Variants in DOCK9 observed in about 807,000 individuals in gnomAD.
The protein encoded by DOCK9 is dedicator of cytokinesis 9.
In DOCK9, 89 loss-of-function variants were observed where a neutral mutation model predicts 263.3. That is an observed-to-expected ratio of 0.34 (90% CI 0.28 to 0.40). The LOEUF is 0.40. Ranked by LOEUF, DOCK9 falls within the 10% of genes least tolerant of loss-of-function variation. DOCK9 has a pLI of 1.00. For synonymous variants in DOCK9, 976 were observed against 973.1 expected, an observed-to-expected ratio of 1.00 and a Z score of -0.06; for missense variants, 2,140 against 2,603.4, an observed-to-expected ratio of 0.82 and a Z score of 3.87.
At chr13:99,050,887 T>C (rs2040661610) in intron 1 of DOCK9, among the ~76,000 whole-genome samples, 1 of 152,148 alleles carries the variant, frequency 6.6e-6, no homozygotes. Context: ...GATCCAAAGA[T>C]GTCTGATTCT....
intron 1 of DOCK9, among the ~76,000 whole-genome samples, chr13:99,002,508 G>A (rs1882547420): frequency 6.6e-6 from 1 of 152,138 alleles, no homozygotes; most frequent in Admixed American, 6.5e-5. Context: ...ACCCAGCTCA[G>A]GTGTCACCTT....
At chr13:98,890,810 G>A (rs566292041) in intron 15 of DOCK9, among the ~76,000 whole-genome samples, 3 of 152,264 alleles carry the variant, frequency 2.0e-5, no homozygotes, top group East Asian at 3.9e-4. Context: ...GACTAGAGAC[G>A]ATGTTGAGAA....
intron 1 of DOCK9, among the ~76,000 whole-genome samples, chr13:99,010,488 C>T (rs1884285783): frequency 6.6e-6 from 1 of 152,218 alleles, no homozygotes; most frequent in Non-Finnish European, 1.5e-5. Flanking sequence ...GTGTCAGCGT[C>T]CCCATCATTT....
intron 1 of DOCK9, among the ~76,000 whole-genome samples, chr13:99,082,190 A>T (rs943816924): frequency 1.3e-5 from 2 of 152,152 alleles, no homozygotes; most frequent in African/African-American, 4.8e-5. Flanking sequence ...ACTACACTCC[A>T]GCCTGGGTGA....
intron 4 of DOCK9, among the ~76,000 whole-genome samples, chr13:98,925,071 G>C (rs1297862644): frequency 6.6e-6 from 1 of 152,114 alleles, no homozygotes; most frequent in Admixed American, 6.5e-5. Flanking sequence ...GGCTGAGGCG[G>C]GAGAGTTGCT....
chr13:99,059,323 C>T lies in DOCK9; in HGVS notation c.129+26900G>A, dbSNP rs138871865. Among the ~76,000 whole-genome samples the T allele has an allele frequency of 9.2e-5, 14 of 152,262 alleles. No homozygotes were observed. The East Asian group carries it at 2.3e-3, about 25-fold the overall frequency. On this transcript the variant is annotated intron_variant, in intron 1 of 32. Coordinates refer to the DOCK9 transcript ENST00000427887. ...CTCCACGGGTCCAGCTGTGGCATGC[C>T]GAGGTCATCTTTCTTCCCTCACCTG...
At chr13:98,868,053 C>T (rs1018729967) in intron 28 of DOCK9, 42 bp from the exon 29 acceptor site, 2 of 1,589,266 alleles carry the variant, frequency 1.3e-6, no homozygotes, top group African/African-American at 1.3e-5. Context: ...CAGGTCCAAA[C>T]ATTTCGGAAA....
chr13:98,884,005 A>C, intron 21 of DOCK9, 106 bp from the exon 22 acceptor site: 1 of 765,022 alleles, frequency 1.3e-6, no homozygotes, highest in Non-Finnish European at 2.1e-6. Flanking sequence ...GGCCCAGAGA[A>C]CTTTAGTGAC....
At chr13:98,974,995 G>A (rs573949686) in intron 1 of DOCK9, among the ~76,000 whole-genome samples, 2 of 152,260 alleles carry the variant, frequency 1.3e-5, no homozygotes, top group East Asian at 3.9e-4. Context: ...TACATTTATG[G>A]TAGCCTCATT....
At chr13:98,808,710 T>G (rs1223645582) in intron 47 of DOCK9, 1 of 1,421,348 alleles carries the variant, frequency 7.0e-7, no homozygotes, top group Non-Finnish European at 9.9e-7. Context: ...CAGAATAAAT[T>G]GAAGGTTATA....
chr13:99,050,442 C>G (rs977849241), intron 1 of DOCK9, among the ~76,000 whole-genome samples: 1 of 152,182 alleles, frequency 6.6e-6, no homozygotes, highest in Non-Finnish European at 1.5e-5. Flanking sequence ...TGCCTGTAAT[C>G]CCAGCACTTT....
In DOCK9 at chr13:98,863,438, G is replaced by C; in HGVS notation, c.3397C>G (p.Leu1133Val). ...TTCTTGAGCACACTGATGGCGATCA[G>C]ACGGACCTCCCGGAACTCCTGGAGG... ...TALQEFREVR[L>V]IAISVLKNLL... Residue 1133 changes from leucine (L) to valine (V), a missense_variant, in exon 31 of 53, where the codon CTG becomes GTG. Leu to Val is a conservative substitution (Grantham distance 32, BLOSUM62 1). This residue lies in a region of DOCK9 where 1,521 missense variants were observed against 1,741.7 expected (regional missense o/e 0.87). Transcript: ENST00000682017. The C allele has an allele frequency of 6.2e-7, 1 of 1,613,972 alleles. No individual in the cohort carries two copies. The highest frequency in any genetic ancestry group is 8.5e-7 in the Non-Finnish European group (1 of 1,179,900).
chr13:99,000,148 T>C (rs942427203), intron 1 of DOCK9, among the ~76,000 whole-genome samples: 1 of 152,012 alleles, frequency 6.6e-6, no homozygotes, highest in Non-Finnish European at 1.5e-5. Flanking sequence ...TGGGAGAAAA[T>C]ACACGCAGAA....
intron 45 of DOCK9, among the ~76,000 whole-genome samples, chr13:98,823,707 G>A (rs1017323255): frequency 6.6e-6 from 1 of 152,260 alleles, no homozygotes; most frequent in Non-Finnish European, 1.5e-5. Context: ...GTGAATGCCA[G>A]CAGAAAACTG....
intron 1 of DOCK9, among the ~76,000 whole-genome samples, chr13:99,038,160 C>T (rs1256732459): frequency 2.0e-5 from 3 of 152,064 alleles, no homozygotes; most frequent in African/African-American, 7.2e-5. Flanking sequence ...CACACAACAG[C>T]CTCTCAGATT....
chr13:99,026,975 C>T (rs1011515839), intron 1 of DOCK9, among the ~76,000 whole-genome samples: 5 of 152,076 alleles, frequency 3.3e-5, no homozygotes, highest in Non-Finnish European at 7.4e-5. Context: ...ATTCCAAATA[C>T]TGAGCACAGA....
At chr13:99,056,874 G>A (rs752203187) in intron 1 of DOCK9, among the ~76,000 whole-genome samples, 7 of 152,204 alleles carry the variant, frequency 4.6e-5, no homozygotes, top group Non-Finnish European at 1.0e-4. Flanking sequence ...GGAGCCATGC[G>A]TACAGCAGCG....
chr13:98,848,196 G>A (rs2093447878), intron 37 of DOCK9, among the ~76,000 whole-genome samples: 1 of 152,174 alleles, frequency 6.6e-6, no homozygotes. Flanking sequence ...TTGTAGTTGG[G>A]AGCAGGAACA....
At chr13:98,971,640 G>A (rs531809027) in intron 1 of DOCK9, among the ~76,000 whole-genome samples, 118 of 151,990 alleles carry the variant, frequency 7.8e-4, no homozygotes, top group African/African-American at 1.4e-3. Flanking sequence ...CCCGGAAGGC[G>A]GACCTTGCAG....
Sources: gnomAD v4.1 joint callset for allele counts (sites outside exome capture counted in the v4.1 genomes callset) on GRCh38, gnomAD v4.1.1 for gene constraint, gnomAD v4.1.1 regional missense constraint, MANE v1.5 for transcripts, NCBI Gene and HGNC (gene_info 2026-07-23, HGNC 2026-07-21) for gene names.